PCDHA1: variants seen among roughly 807,000 people sequenced by gnomAD.
PCDHA1 encodes protocadherin alpha-1.
Under a neutral mutation model 61.3 loss-of-function variants are expected in PCDHA1, and 42 were observed. The ratio of observed to expected loss-of-function variants is 0.69; its 90% confidence interval spans 0.54 to 0.89. The LOEUF (loss-of-function observed/expected upper bound fraction) is 0.89. Ranked by LOEUF, PCDHA1 falls within the 40% of genes least tolerant of loss-of-function variation. The pLI, the probability that PCDHA1 is intolerant of heterozygous loss-of-function variation, is 0.00. For missense variants in PCDHA1, 1,256 were observed against 1,235.3 expected, an observed-to-expected ratio of 1.02 and a Z score of -0.25; for synonymous variants, 610 against 553.8, an observed-to-expected ratio of 1.10 and a Z score of -1.43.
intron 1 of PCDHA1, chr5:140,857,275 C>T: frequency 6.3e-7 from 1 of 1,598,374 alleles, no homozygotes; most frequent in Non-Finnish European, 8.6e-7. Context: ...TGGTGCTGGA[C>T]AGCGCTCTGG....
At chr5:140,925,537 A>G (rs1325632505) in intron 1 of PCDHA1, among the ~76,000 whole-genome samples, 4 of 152,070 alleles carry the variant, frequency 2.6e-5, no homozygotes, top group Non-Finnish European at 2.9e-5. Flanking sequence ...GAGGAGAAAT[A>G]CCTAATGTAA....
chr5:140,884,514 C>T (rs368331245), intron 1 of PCDHA1: 3 of 1,614,176 alleles, frequency 1.9e-6, no homozygotes, highest in African/African-American at 1.3e-5. Context: ...GGGAGTTGGT[C>T]GTACTCGCAG....
chr5:140,841,442 C>T (rs2150315627), intron 1 of PCDHA1: 3 of 1,613,000 alleles, frequency 1.9e-6, no homozygotes, highest in Non-Finnish European at 2.5e-6. Context: ...GGAGGCCAAA[C>T]ACGGCACCTT....
intron 1 of PCDHA1, chr5:140,821,864 T>C: frequency 6.2e-7 from 1 of 1,614,208 alleles, no homozygotes; most frequent in South Asian, 1.1e-5. Context: ...AGCGGCCAGC[T>C]CCACTACTCG....
chr5:140,960,849 A>G (rs1347970743), intron 1 of PCDHA1, among the ~76,000 whole-genome samples: 10 of 152,220 alleles, frequency 6.6e-5, no homozygotes, highest in African/African-American at 2.2e-4. Context: ...TTTAATGGCA[A>G]CTATAAGCCA....
chr5:140,857,434 C>T (rs987628518), intron 1 of PCDHA1: 2 of 1,598,440 alleles, frequency 1.3e-6, no homozygotes, highest in Non-Finnish European at 1.7e-6. Context: ...ACACGGTGTT[C>T]GTGAAGGAGA....
intron 1 of PCDHA1, chr5:140,823,748 T>A (rs2150128798): frequency 1.9e-6 from 3 of 1,613,836 alleles, no homozygotes. Context: ...GAGCCCCCGC[T>A]GACAGCCACA....
intron 1 of PCDHA1, chr5:140,802,454 G>C (rs1554122143): frequency 3.1e-6 from 5 of 1,614,096 alleles, no homozygotes; most frequent in Admixed American, 1.7e-5. Flanking sequence ...AGAGCGTGTC[G>C]GCCTATGAGC....
At chr5:140,915,083 C>G (rs2076973100) in intron 1 of PCDHA1, among the ~76,000 whole-genome samples, 1 of 151,628 alleles carries the variant, frequency 6.6e-6, no homozygotes, top group African/African-American at 2.4e-5. Flanking sequence ...GTAGCTGGGA[C>G]TATGGGCACG....
intron 1 of PCDHA1, among the ~76,000 whole-genome samples, chr5:140,799,793 CAT>C (rs1186307133): frequency 2.6e-5 from 4 of 152,038 alleles, no homozygotes; most frequent in Admixed American, 6.5e-5. Context: ...ATTTAAATCA[CAT>C]GTTTGATTTC....
rs782778029 is a variant in PCDHA1 at position 140,798,387 on chromosome 5, A to G, written c.2394+9703A>G. Reference sequence around the variant, plus strand: ...CAGGCAAAAATAGAGAGTATTGAGAAAAGAGACCCTCTCAATTTTGTTTAA... The same window carrying G: ...CAGGCAAAAATAGAGAGTATTGAGAGAAGAGACCCTCTCAATTTTGTTTAA... On this transcript the variant is annotated intron_variant, in intron 1 of 3. Transcript: ENST00000504120. Among the ~76,000 whole-genome samples the G allele has an allele frequency of 2.6e-5, 4 of 152,326 alleles. No homozygotes were observed. In the East Asian group the frequency reaches 7.7e-4, roughly 29 times the overall value.
At chr5:140,921,213 G>C (rs759293646) in intron 1 of PCDHA1, among the ~76,000 whole-genome samples, 2 of 151,378 alleles carry the variant, frequency 1.3e-5, no homozygotes, top group African/African-American at 2.4e-5. Flanking sequence ...GATAATTCAC[G>C]TCTTTTTTGC....
At chr5:140,789,677 T>A (rs1050122186) in intron 1 of PCDHA1, among the ~76,000 whole-genome samples, 3 of 152,058 alleles carry the variant, frequency 2.0e-5, no homozygotes, top group African/African-American at 7.3e-5. Context: ...ATTAAGCACC[T>A]CCCATTCCTC....
intron 1 of PCDHA1, chr5:140,807,477 G>A (rs111900306): frequency 1.2e-6 from 2 of 1,613,196 alleles, no homozygotes; most frequent in Non-Finnish European, 1.7e-6. Flanking sequence ...GAGCTGTGCC[G>A]GCGGAGCGCG....
chr5:140,827,905 C>T, intron 1 of PCDHA1: 1 of 798,712 alleles, frequency 1.3e-6, no homozygotes, highest in Non-Finnish European at 2.0e-6. Flanking sequence ...TTTGGAGCCG[C>T]ATGATGTCGC....
At chr5:140,900,667 G>A (rs557447526) in intron 1 of PCDHA1, among the ~76,000 whole-genome samples, 12 of 152,222 alleles carry the variant, frequency 7.9e-5, no homozygotes, top group Non-Finnish European at 1.6e-4. Flanking sequence ...CAATGGGAGT[G>A]CAGTTATCTC....
Position 140,883,273 on chromosome 5 carries a change from C to A in PCDHA1, c.2394+94589C>A, listed in dbSNP as rs370482487. Reference sequence around the variant, plus strand: ...ATATTCCAATGGCGGGTCATTGTACCCTTTTGGTGGAAGTACTAGATGTAA... The same window carrying A: ...ATATTCCAATGGCGGGTCATTGTACACTTTTGGTGGAAGTACTAGATGTAA... On this transcript the variant is annotated intron_variant, in intron 1 of 3. Transcript: ENST00000504120. 10 of 1,613,676 alleles carry A rather than the reference C, an allele frequency of 6.2e-6. No homozygotes were observed. The Middle Eastern group carries it at 6.6e-4, about 106-fold the overall frequency.
chr5:140,950,952 A>G (rs1554219699), intron 1 of PCDHA1, among the ~76,000 whole-genome samples: 2 of 151,782 alleles, frequency 1.3e-5, no homozygotes, highest in Admixed American at 1.3e-4. Context: ...GATCATTTCT[A>G]TTGATCTATT....
chr5:140,845,591 A>G (rs1416942970), intron 1 of PCDHA1, among the ~76,000 whole-genome samples: 2 of 149,444 alleles, frequency 1.3e-5, no homozygotes, highest in African/African-American at 4.9e-5. Context: ...AATGTGTCAG[A>G]AGTTAGTTAT....
Sources: allele counts gnomAD v4.1 joint callset (sites outside exome capture counted in the v4.1 genomes callset), GRCh38; gene constraint gnomAD v4.1.1; transcripts MANE v1.5; gene names NCBI Gene and HGNC (gene_info 2026-07-23, HGNC 2026-07-21).